The following SUPT6H variants were observed in gnomAD, a reference collection of about 807,000 sequenced individuals.
The protein encoded by SUPT6H is transcription elongation factor SPT6.
A neutral mutation model predicts 222.3 loss-of-function variants in SUPT6H; 11 were observed. The ratio of observed to expected loss-of-function variants is 0.05; its 90% CI spans 0.03 to 0.08. SUPT6H has a LOEUF of 0.08. Ranked by LOEUF, SUPT6H falls within the 10% of genes least tolerant of loss-of-function variation. The probability of loss-of-function intolerance (pLI) is 1.00; values close to 1 mark genes in which losing one functional copy is unlikely to be tolerated. For missense variants in SUPT6H, 1,422 were observed against 2,216.0 expected (o/e 0.64, Z 7.19); for synonymous variants, 762 against 801.2 (o/e 0.95, Z 0.83).
At chr17:28,687,254 G>A (rs900401313) in intron 22 of SUPT6H, 29 bp downstream of exon 22, 2 of 1,614,176 alleles carry the variant, frequency 1.2e-6, no homozygotes, top group Admixed American at 1.7e-5. Flanking sequence ...GCAGGCTCGG[G>A]TGAAGGGAAA....
rs573341819 is a variant in SUPT6H, at chr17:28,701,112, C to T, written c.4978C>T (p.Arg1660Trp). ...QPQPSSSSRQ[R>W]QQQPKSNSHA... The stretch of plus-strand genomic sequence containing the variant: ...CCAGCCCTCTTCCAGCTCCCGGCAA[C>T]GGCAGCAGCAGCCAAAGTAAGTATC... Residue 1660 changes from arginine to tryptophan, a missense_variant, in exon 36 of 37, where the codon CGG (arginine) becomes TGG (tryptophan). Physicochemically the swap from Arg to Trp is moderately radical, Grantham distance 101 (BLOSUM62 -3). This residue lies in a region of SUPT6H where 395 missense variants were observed against 580.6 expected (regional missense o/e 0.68). Transcript: ENST00000314616. 34 of 1,610,358 alleles carry T rather than the reference C, an allele frequency of 2.1e-5. No individual in the cohort carries two copies. The highest frequency in any genetic ancestry group is 2.7e-5 in the African/African-American group (2 of 74,892).
chr17:28,669,139 T>C (rs925604455), intron 1 of SUPT6H, among the ~76,000 whole-genome samples: 2 of 152,258 alleles, frequency 1.3e-5, no homozygotes, highest in African/African-American at 4.8e-5. Context: ...AAAATATTTA[T>C]TGATTTATTT....
intron 29 of SUPT6H, among the ~76,000 whole-genome samples, chr17:28,695,869 G>C (rs985626301): frequency 6.6e-6 from 1 of 152,102 alleles, no homozygotes; most frequent in Non-Finnish European, 1.5e-5. Context: ...TCCCATAGTG[G>C]GTCAGAAATT....
At chr17:28,690,386 A>G (rs1255083727) in intron 26 of SUPT6H, among the ~76,000 whole-genome samples, 157 bp downstream of exon 26, 1 of 152,212 alleles carries the variant, frequency 6.6e-6, no homozygotes, top group East Asian at 1.9e-4. Context: ...TGGACTGGAA[A>G]TCAAAACTGA....
At chr17:28,671,338 G>A (rs1253158093) in intron 1 of SUPT6H, 3 of 152,222 alleles carry the variant, frequency 2.0e-5, no homozygotes, top group South Asian at 2.1e-4. Context: ...TTCTGGTGCA[G>A]AATCACAGAG....
rs769873917 is a variant in SUPT6H, at chr17:28,683,358, T to G, written c.1969T>G (p.Cys657Gly). The change falls in exon 16 of 37, where the codon TGC becomes GGC. Residue 657 changes from cysteine (C) to glycine (G), a missense_variant. Transcript: ENST00000314616. ...GAGAGATGACCAGTTTCTCAAGATATGCCTGGCTGAAGACGAAGGGCTCCT... is the reference window on the plus strand; with the variant it reads ...GAGAGATGACCAGTTTCTCAAGATAGGCCTGGCTGAAGACGAAGGGCTCCT... ...ELRDDQFLKI[C>G]LAEDEGLLTT... The G allele has an allele frequency of 6.2e-7, 1 of 1,614,166 alleles. No individual in the cohort carries two copies. Among genetic ancestry groups the G allele is most frequent in the South Asian group, 1.1e-5 (1 of 91,082 alleles).
At position 28,678,957 on chromosome 17, in the gene SUPT6H, T is replaced by C. The variant is rs2030921662; in HGVS notation, c.1343T>C (p.Met448Thr). ...ATCCGGGCTCTGGACACCACTGACA[T>C]GGAGAGGTAAAACATGCGGTGTTTA... Reference protein sequence around the residue: ...DGIRALDTTDMERLKDVQSMD... With the variant: ...DGIRALDTTDTERLKDVQSMD... The change falls in exon 11 of 37, where the codon ATG becomes ACG. Residue 448 changes from methionine to threonine, a missense_variant. By Grantham distance (81) the Met-to-Thr change is moderately conservative. Coordinates refer to ENST00000314616, the MANE Select transcript of SUPT6H (RefSeq NM_003170.5). The C allele has an allele frequency of 4.3e-6, 7 of 1,614,070 alleles. No individual in the cohort carries two copies. Among genetic ancestry groups the C allele is most frequent in the African/African-American group, 1.3e-5 (1 of 74,926 alleles).
chr17:28,677,382 CAAA>C (rs534234394), intron 7 of SUPT6H, among the ~76,000 whole-genome samples: 2 of 130,226 alleles, frequency 1.5e-5, no homozygotes, highest in Non-Finnish European at 3.3e-5. Context: ...GACTCCATCT[CAAA>C]AAAAAAAAAA....
At chr17:28,693,625 G>A (rs1357006764) in intron 27 of SUPT6H, 71 bp from the exon 28 acceptor site, 3 of 1,577,264 alleles carry the variant, frequency 1.9e-6, no homozygotes, top group Non-Finnish European at 2.6e-6. Context: ...CAACACCTCT[G>A]GGAGCTCTTT....
In SUPT6H at chr17:28,688,378, A is replaced by T; in HGVS notation, c.3134+160A>T. The T allele has an allele frequency of 4.9e-6, 4 of 816,048 alleles. No individual in the cohort carries two copies. The highest frequency in any genetic ancestry group is 6.9e-6 in the Non-Finnish European group (4 of 575,746). The allele number at this position is 816,048 out of a possible 1,614,324, so 50.6% of individuals were successfully genotyped here. A position where few individuals can be genotyped will look rare whatever the true frequency, so the allele number is the denominator to read the frequency against. On this transcript the variant is annotated intron_variant, in intron 24 of 36. Transcript: ENST00000314616. This position sits in a 1 kb window ranked among gnomAD's most constrained non-coding sequence, Gnocchi z 4.3. ...TTATTCAGTCAAGAGCCCCTGACCTATGGAAAAGATCGGTTCAATCATGTG... is the reference window on the plus strand; with the variant it reads ...TTATTCAGTCAAGAGCCCCTGACCTTTGGAAAAGATCGGTTCAATCATGTG...
At chr17:28,675,747 C>T (rs1300286594) in intron 6 of SUPT6H, among the ~76,000 whole-genome samples, 1 of 152,204 alleles carries the variant, frequency 6.6e-6, no homozygotes, top group African/African-American at 2.4e-5. Flanking sequence ...CCGCCTACAG[C>T]TCCATGTTTA....
At chr17:28,681,855 C>T (rs1253920597) in intron 12 of SUPT6H, 27 bp from the exon 13 acceptor site, 2 of 1,584,824 alleles carry the variant, frequency 1.3e-6, no homozygotes, top group Admixed American at 1.8e-5. Context: ...AACTAGAACC[C>T]TAAATCTCCC....
chr17:28,678,598 C>T lies in SUPT6H; in HGVS notation c.1170C>T (p.Ile390=), dbSNP rs2030898019. ...RKEYVEPELH[I]NDLWRVWQWD... is the part of the protein sequence containing the mutation. ...AGTATGTGGAGCCTGAGTTGCACAT[C>T]AATGACCTATGGAGAGTCTGGCAGT... Residue 390 remains isoleucine (I), a synonymous_variant, in exon 10 of 37, where the codon ATC becomes ATT. Coordinates refer to ENST00000314616, the MANE Select transcript of SUPT6H (RefSeq NM_003170.5). 6.2e-7 allele frequency: 1 copy of T among 1,614,128 alleles called. No homozygotes were observed. The highest frequency in any genetic ancestry group is 8.5e-7 in the Non-Finnish European group (1 of 1,180,010).
At chr17:28,698,574 G>C (rs1217424107) in intron 32 of SUPT6H, among the ~76,000 whole-genome samples, 1 of 152,234 alleles carries the variant, frequency 6.6e-6, no homozygotes. Context: ...CGCTTACCCT[G>C]AACCTAGAGG....
chr17:28,687,924 C>CTTTTT (rs75324284), intron 23 of SUPT6H, among the ~76,000 whole-genome samples, 167 bp from the exon 24 acceptor site: 1 of 134,216 alleles, frequency 7.5e-6, no homozygotes, highest in African/African-American at 2.7e-5. Flanking sequence ...TAAAGCAAAA[C>CTTTTT]TTTTTTTTTT....
chr17:28,664,054 T>A (rs186753756), intron 1 of SUPT6H, among the ~76,000 whole-genome samples: 25 of 151,958 alleles, frequency 1.6e-4, no homozygotes, highest in African/African-American at 6.0e-4. Flanking sequence ...ATGGATACTT[T>A]GTTCTCATAT....
chr17:28,674,827 C>G (rs1278812984), intron 4 of SUPT6H, 143 bp from the exon 5 acceptor site: 3 of 1,116,170 alleles, frequency 2.7e-6, no homozygotes, highest in Admixed American at 2.6e-5. Context: ...GGCTTTGAGG[C>G]TACAAGAGCA....
chr17:28,687,272 T>C, intron 22 of SUPT6H, 32 bp from the exon 23 acceptor site: 1 of 1,614,044 alleles, frequency 6.2e-7, no homozygotes. Flanking sequence ...AAAGGCAGAG[T>C]AACCTTACTC....
At chr17:28,675,681 G>A (rs1195218206) in intron 6 of SUPT6H, among the ~76,000 whole-genome samples, 196 bp downstream of exon 6, 1 of 152,198 alleles carries the variant, frequency 6.6e-6, no homozygotes, top group Non-Finnish European at 1.5e-5. Flanking sequence ...TGCACTCTAG[G>A]ACTACTGTGG....
Sources: gnomAD v4.1 joint callset for allele counts (sites outside exome capture counted in the v4.1 genomes callset) on GRCh38, gnomAD v4.1.1 for gene constraint, gnomAD v4.1.1 regional missense constraint, Gnocchi (gnomAD v3.1) non-coding constraint, MANE v1.5 for transcripts, NCBI Gene and HGNC (gene_info 2026-07-23, HGNC 2026-07-21) for gene names.